The following ACTA2 variants were observed in gnomAD, a reference collection of about 807,000 sequenced individuals.
The protein encoded by ACTA2 is actin alpha 2, smooth muscle, also known as actin, aortic smooth muscle.
Under a neutral mutation model 39.5 loss-of-function variants are expected in ACTA2, and 12 were observed. The ratio of observed to expected loss-of-function variants is 0.30; its 90% CI spans 0.19 to 0.49. The LOEUF is 0.49. Ranked by LOEUF, ACTA2 falls within the 20% of genes least tolerant of loss-of-function variation. The pLI, the probability that ACTA2 is intolerant of heterozygous loss-of-function variation, is 0.99. For synonymous variants in ACTA2, 158 were observed against 180.6 expected (o/e 0.88, Z 1.00); for missense variants, 236 against 498.8 (o/e 0.47, Z 5.02).
chr10:88,962,317 TACAA>T (rs1846238078), intron 1 of ACTA2, among the ~76,000 whole-genome samples: 1 of 152,188 alleles, frequency 6.6e-6, no homozygotes, highest in Non-Finnish European at 1.5e-5. Context: ...AATTCTGATC[TACAA>T]ACAATAACCA....
chr10:88,989,657 C>CA, intron 1 of ACTA2: 1 of 480,358 alleles, frequency 2.1e-6, no homozygotes, highest in Non-Finnish European at 4.1e-6. Flanking sequence ...TTTGAGGGCC[C>CA]AAACAGGCTC....
intron 1 of ACTA2, among the ~76,000 whole-genome samples, chr10:88,971,605 A>G (rs1304209571): frequency 6.6e-6 from 1 of 152,194 alleles, no homozygotes; most frequent in Non-Finnish European, 1.5e-5. Context: ...TCTTATAATA[A>G]AAGTCATAAT....
chr10:88,937,008 G>A (rs903299321), intron 8 of ACTA2, among the ~76,000 whole-genome samples: 1 of 152,160 alleles, frequency 6.6e-6, no homozygotes, highest in African/African-American at 2.4e-5. Flanking sequence ...ACCCTCATGA[G>A]ATCAACTCAG....
In ACTA2 at chr10:88,990,492, C is replaced by T. The variant is rs1483593862; in HGVS notation, c.-24+447G>A. 5.3e-6 allele frequency: 3 copies of T among 566,316 alleles called. No individual in the cohort carries two copies. Among genetic ancestry groups the T allele is most frequent in the East Asian group, 3.6e-5 (1 of 27,574 alleles). The allele number at this position is 566,316 out of a possible 1,614,324, so 35.1% of individuals were successfully genotyped here. On this transcript the variant is annotated intron_variant, in intron 1 of 4. Coordinates refer to the ACTA2 transcript ENST00000415557. This position sits in a 1 kb window ranked among gnomAD's most constrained non-coding sequence, Gnocchi z 4.9. ...GGGACAGGAATGCCCATTTGTGCAACGAACCCTGACTCCTTCCTCACCCTG... is the reference window on the plus strand; with the variant it reads ...GGGACAGGAATGCCCATTTGTGCAATGAACCCTGACTCCTTCCTCACCCTG...
chr10:88,970,984 TCCTCCGC>T (rs1425810464), intron 1 of ACTA2, among the ~76,000 whole-genome samples: 1 of 152,046 alleles, frequency 6.6e-6, no homozygotes, highest in Admixed American at 6.5e-5. Flanking sequence ...ACATTCAGAT[TCCTCCGC>T]CCAAAGGCAA....
chr10:88,939,388 G>A, intron 7 of ACTA2, 119 bp downstream of exon 7: 1 of 1,340,076 alleles, frequency 7.5e-7, no homozygotes, highest in African/African-American at 1.4e-5. Context: ...CCCTTTTTCT[G>A]GTTTAGAAAT....
upstream of ACTA2, among the ~76,000 whole-genome samples, chr10:88,955,016 C>CAAAAAAA (rs768193000): frequency 2.7e-5 from 2 of 73,058 alleles, no homozygotes; most frequent in African/African-American, 5.1e-5. Flanking sequence ...TAGTGTCACA[C>CAAAAAAA]AAAAAAAAAA....
chr10:88,950,122 A>C (rs1292115969), intron 1 of ACTA2, among the ~76,000 whole-genome samples: 1 of 152,220 alleles, frequency 6.6e-6, no homozygotes. Context: ...TCAAGGGCAC[A>C]CAGGGCATTA....
In ACTA2 at chr10:88,938,097, C is replaced by T. The variant is rs779117107; in HGVS notation, c.954G>A (p.Glu318=). 6 of 1,614,000 alleles carry T rather than the reference C, an allele frequency of 3.7e-6. No homozygotes were observed. Among genetic ancestry groups the T allele is most frequent in the Admixed American group, 1.7e-5 (1 of 60,006 alleles). ...YPGIADRMQK[E]ITALAPSTMK... ...TGGTGCTGGGTGCTAGGGCCGTGAT[C>T]TCCTTCTGCATTCGGTCGGCAATGC... The change falls in exon 8 of 9, where the codon GAG becomes GAA. Residue 318 remains glutamate, a synonymous_variant. Transcript: ENST00000224784.
At chr10:88,938,378 G>A (rs1845786179) in intron 7 of ACTA2, 136 bp from the exon 8 acceptor site, 2 of 976,356 alleles carry the variant, frequency 2.0e-6, no homozygotes, top group South Asian at 2.7e-5. Context: ...GGAACCACCT[G>A]TCTGAGAGAC....
chr10:88,963,420 A>T lies in ACTA2; in HGVS notation c.-23-14467T>A, dbSNP rs182833345. On this transcript the variant is annotated intron_variant, in intron 1 of 4. Coordinates refer to the ACTA2 transcript ENST00000415557. ...AGTAGTTTATTTCTTACTCGTCAGG[A>T]GTAAGTCTGACTTACTAGGAAAGGG... 9.5e-3 allele frequency among the ~76,000 whole-genome samples: 395 copies of T among 41,768 alleles called. 3 individuals are homozygous for T. The highest frequency in any genetic ancestry group is 0.041 in the African/African-American group (381 of 9,364). 27.4% of individuals were successfully genotyped at this position (41,768 alleles called of 152,430 possible). A position where few individuals can be genotyped will look rare whatever the true frequency, so the allele number is the denominator to read the frequency against.
At chr10:88,944,410 GTT>G (rs1452332796) in intron 3 of ACTA2, among the ~76,000 whole-genome samples, 1 of 152,054 alleles carries the variant, frequency 6.6e-6, no homozygotes, top group African/African-American at 2.4e-5. Context: ...TATTTTCTTT[GTT>G]CTCTCTTCCC....
chr10:88,937,351 C>T (rs1486587961), intron 8 of ACTA2, among the ~76,000 whole-genome samples: 2 of 152,166 alleles, frequency 1.3e-5, no homozygotes, highest in Non-Finnish European at 2.9e-5. Flanking sequence ...TCAGAGGGTC[C>T]CAAGTGTGGC....
At chr10:88,972,356 A>T (rs1846466097) in intron 1 of ACTA2, among the ~76,000 whole-genome samples, 1 of 152,238 alleles carries the variant, frequency 6.6e-6, no homozygotes, top group Admixed American at 6.5e-5. Flanking sequence ...TTGTAATAGT[A>T]ATTGATGTCA....
intron 1 of ACTA2, among the ~76,000 whole-genome samples, chr10:88,961,259 G>A (rs945736852): frequency 6.6e-5 from 10 of 152,150 alleles, no homozygotes; most frequent in African/African-American, 2.4e-4. Flanking sequence ...GCAACACAGA[G>A]GACAGATTGC....
At position 88,990,440 on chromosome 10, in the gene ACTA2, G is replaced by A; in HGVS notation, c.-24+499C>T. 2.0e-6 allele frequency: 1 copy of A among 494,348 alleles called. No homozygotes were observed. The highest frequency in any genetic ancestry group is 3.9e-6 in the Non-Finnish European group (1 of 256,546). The allele number at this position is 494,348 out of a possible 1,614,324, so 30.6% of individuals were successfully genotyped here. A position where few individuals can be genotyped will look rare whatever the true frequency, so the allele number is the denominator to read the frequency against. On this transcript the variant is annotated intron_variant, in intron 1 of 4. Coordinates refer to the ACTA2 transcript ENST00000415557. This position sits in a 1 kb window ranked among gnomAD's most constrained non-coding sequence, Gnocchi z 4.9. The stretch of plus-strand genomic sequence containing the variant: ...CTCTCGAGGTCCTCACCTGAAGTGA[G>A]CATGCCAGCCACTGCAGGAACGCCC...
At chr10:88,951,499 C>CAAA (rs59375821) in intron 1 of ACTA2, among the ~76,000 whole-genome samples, 8 of 142,500 alleles carry the variant, frequency 5.6e-5, no homozygotes, top group Non-Finnish European at 7.7e-5. Flanking sequence ...TTTACTTGGC[C>CAAA]AAAAAAAAAA....
At chr10:88,970,455 G>A (rs939526373) in intron 1 of ACTA2, among the ~76,000 whole-genome samples, 3 of 152,114 alleles carry the variant, frequency 2.0e-5, no homozygotes, top group Non-Finnish European at 2.9e-5. Flanking sequence ...TGAGGAGGGC[G>A]TTCAGTTAGT....
intron 1 of ACTA2, among the ~76,000 whole-genome samples, chr10:88,961,167 A>G (rs1465791588): frequency 6.6e-6 from 1 of 152,180 alleles, no homozygotes; most frequent in Non-Finnish European, 1.5e-5. Flanking sequence ...AAATATAAGT[A>G]GCACTCATGG....
Sources: gnomAD v4.1 joint callset for allele counts (sites outside exome capture counted in the v4.1 genomes callset) on GRCh38, gnomAD v4.1.1 for gene constraint, Gnocchi (gnomAD v3.1) non-coding constraint, MANE v1.5 for transcripts, NCBI Gene and HGNC (gene_info 2026-07-23, HGNC 2026-07-21) for gene names.